ITGAV: variants seen among roughly 807,000 people sequenced by gnomAD.
ITGAV encodes the protein integrin alpha-V.
Under a neutral mutation model 143.8 loss-of-function variants are expected in ITGAV, and 76 were observed. That is an observed-to-expected ratio of 0.53 (90% CI 0.44 to 0.64). ITGAV has a LOEUF of 0.64. Among genes scored for constraint, ITGAV ranks in the 30% least tolerant of loss-of-function variants. ITGAV has a pLI of 0.00. For synonymous variants in ITGAV, 453 were observed against 446.7 expected, an observed-to-expected ratio of 1.01 and a Z score of -0.18; for missense variants, 1,193 against 1,274.7, an observed-to-expected ratio of 0.94 and a Z score of 0.98.
At chr2:186,676,142 T>C (rs979051222) in intron 28 of ITGAV, 2 of 440,112 alleles carry the variant, frequency 4.5e-6, no homozygotes, top group South Asian at 4.2e-5. Flanking sequence ...TCTTGTCCAG[T>C]GTAAGAGATT....
chr2:186,597,315 A>T (rs1297693368), intron 1 of ITGAV, among the ~76,000 whole-genome samples: 2 of 152,202 alleles, frequency 1.3e-5, no homozygotes, highest in African/African-American at 4.8e-5. Flanking sequence ...AATTAAGTAG[A>T]GATGTTACAC....
chr2:186,625,409 A>C, intron 3 of ITGAV, 64 bp from the exon 4 acceptor site: 1 of 941,742 alleles, frequency 1.1e-6, no homozygotes, highest in Admixed American at 1.9e-5. Context: ...GAAGTAGTAT[A>C]GAGCATCTGA....
chr2:186,605,901 A>AATACATATTT (rs1471419442), intron 2 of ITGAV, among the ~76,000 whole-genome samples: 1 of 150,232 alleles, frequency 6.7e-6, no homozygotes, highest in Admixed American at 6.7e-5. Context: ...GTATATGTAT[A>AATACATATTT]TCTTTTGTCC....
intron 18 of ITGAV, among the ~76,000 whole-genome samples, chr2:186,661,937 A>G (rs1423625298): frequency 1.3e-5 from 2 of 152,112 alleles, no homozygotes; most frequent in African/African-American, 2.4e-5. Context: ...GATGTAATAT[A>G]TATAACTGTA....
intron 5 of ITGAV, among the ~76,000 whole-genome samples, chr2:186,633,115 C>G (rs752166896): frequency 6.8e-6 from 1 of 146,486 alleles, no homozygotes; most frequent in African/African-American, 2.5e-5. Flanking sequence ...GCTTACCAGC[C>G]TGGATAAGGG....
chr2:186,647,329 G>A (rs1688291071), intron 13 of ITGAV, among the ~76,000 whole-genome samples: 2 of 150,822 alleles, frequency 1.3e-5, no homozygotes, highest in Non-Finnish European at 2.9e-5. Flanking sequence ...TCCACCTCCT[G>A]GGCTCAAGCC....
At chr2:186,598,294 T>TACACACACACACACAC (rs56789925) in intron 1 of ITGAV, among the ~76,000 whole-genome samples, 21 of 147,856 alleles carry the variant, frequency 1.4e-4, no homozygotes, top group African/African-American at 2.8e-4. Context: ...TTATAATTTA[T>TACACACACACACACAC]ACACACACAC....
intron 3 of ITGAV, among the ~76,000 whole-genome samples, chr2:186,622,957 T>C (rs1012651337): frequency 6.6e-6 from 1 of 152,136 alleles, no homozygotes; most frequent in Non-Finnish European, 1.5e-5. Flanking sequence ...AGAGACAGGG[T>C]TTCGCCATGT....
chr2:186,648,491 G>A (rs1211622056), intron 13 of ITGAV, among the ~76,000 whole-genome samples: 1 of 152,228 alleles, frequency 6.6e-6, no homozygotes, highest in Middle Eastern at 3.4e-3. Flanking sequence ...TTGAGATGAA[G>A]TCTCGCTCTG....
chr2:186,666,392 T>G (rs912364325), intron 21 of ITGAV, among the ~76,000 whole-genome samples: 4 of 152,228 alleles, frequency 2.6e-5, no homozygotes, highest in African/African-American at 9.6e-5. Flanking sequence ...TATCAAATTA[T>G]TGTACCCAGT....
At chr2:186,654,811 A>AT in intron 16 of ITGAV, 103 bp downstream of exon 16, 3 of 560,614 alleles carry the variant, frequency 5.4e-6, no homozygotes, top group Middle Eastern at 4.8e-4. Context: ...TGTTATTATA[A>AT]TTTTTTATTT....
intron 28 of ITGAV, chr2:186,676,350 C>T: frequency 6.0e-6 from 1 of 167,836 alleles, no homozygotes. Context: ...ACCTGTAATC[C>T]CAGCATTTTG....
Position 186,641,661 on chromosome 2 carries a change from T to C in ITGAV, c.1159+73T>C. On this transcript the variant is annotated intron_variant, in intron 12 of 29. Transcript: ENST00000261023. ...CCTGGAAAAGTTCTGTAAGTCCATC[T>C]GTAGAAGTCTACACGAGCAAATCTC... 2.4e-6 allele frequency: 3 copies of C among 1,238,104 alleles called. No individual in the cohort carries two copies. In the South Asian group the frequency reaches 3.8e-5, roughly 16 times the overall value. 76.7% of individuals were successfully genotyped at this position (1,238,104 alleles called of 1,614,324 possible). A position where few individuals can be genotyped will look rare whatever the true frequency, so the allele number is the denominator to read the frequency against.
intron 6 of ITGAV, 29 bp downstream of exon 6, chr2:186,633,403 G>T: frequency 7.1e-7 from 1 of 1,405,762 alleles, no homozygotes; most frequent in Non-Finnish European, 1.0e-6. Context: ...AATTACAATT[G>T]GTGACTATGT....
intron 2 of ITGAV, among the ~76,000 whole-genome samples, chr2:186,618,421 T>G (rs1415894082): frequency 6.6e-6 from 1 of 152,212 alleles, no homozygotes; most frequent in African/African-American, 2.4e-5. Context: ...TGTACTGATT[T>G]TGCATGAATT....
intron 24 of ITGAV, among the ~76,000 whole-genome samples, chr2:186,668,300 A>G (rs1688971119): frequency 7.5e-6 from 1 of 133,630 alleles, no homozygotes; most frequent in African/African-American, 2.9e-5. Flanking sequence ...ATCTCAGCTC[A>G]CTGCAAACTC....
intron 23 of ITGAV, 75 bp from the exon 24 acceptor site, chr2:186,667,596 T>C (rs1688936298): frequency 2.8e-6 from 2 of 707,274 alleles, no homozygotes; most frequent in Admixed American, 4.6e-5. Context: ...GAGTAATGAA[T>C]ATGGGGTACT....
At position 186,625,520 on chromosome 2, in the gene ITGAV, A is replaced by C. The variant is rs2105690136; in HGVS notation, c.456A>C (p.Arg152=). The C allele has an allele frequency of 1.9e-6, 3 of 1,614,062 alleles. No homozygotes were observed. The highest frequency in any genetic ancestry group is 4.5e-5 in the East Asian group (2 of 44,876). Residue 152 remains arginine (R), a synonymous_variant, in exon 4 of 30, where the codon CGA becomes CGC. Coordinates refer to ENST00000261023, the MANE Select transcript of ITGAV (RefSeq NM_002210.5). ...GGAGAACTGAGATGAAACAGGAGCG[A>C]GAGCCTGTTGGAACATGCTTTCTTC... is the stretch of plus-strand genomic sequence containing the variant. ...YHWRTEMKQE[R]EPVGTCFLQD...
In ITGAV at chr2:186,678,260, T is replaced by A. The variant is rs114785095; in HGVS notation, c.*968T>A. The A allele has an allele frequency of 6.5e-6, 1 of 153,308 alleles. No homozygotes were observed. Among genetic ancestry groups the A allele is most frequent in the Non-Finnish European group, 1.5e-5 (1 of 68,766 alleles). The allele number at this position is 153,308 out of a possible 1,614,324, so 9.5% of individuals were successfully genotyped here. A position where few individuals can be genotyped will look rare whatever the true frequency, so the allele number is the denominator to read the frequency against. ...AGCAGAGTTTTTAGTTAGTATTAAT[T>A]TATTTTCCTCCATTCATGTACTTTT... On this transcript the variant is annotated 3_prime_UTR_variant, in exon 30 of 30. Coordinates refer to ENST00000261023, the MANE Select transcript of ITGAV (RefSeq NM_002210.5).
Sources: allele counts gnomAD v4.1 joint callset (sites outside exome capture counted in the v4.1 genomes callset), GRCh38; gene constraint gnomAD v4.1.1; transcripts MANE v1.5; gene names NCBI Gene and HGNC (gene_info 2026-07-23, HGNC 2026-07-21).